GAS2: variants seen among roughly 807,000 people sequenced by gnomAD.
The protein encoded by GAS2 is growth arrest specific 2.
GAS2 carries 20 observed loss-of-function variants against 37.5 expected under a neutral mutation model. That is an observed-to-expected ratio of 0.53 (90% CI 0.37 to 0.77). The LOEUF is 0.77. Ranked by LOEUF, GAS2 falls within the 30% of genes least tolerant of loss-of-function variation. The pLI, the probability that GAS2 is intolerant of heterozygous loss-of-function variation, is 0.00. For synonymous variants in GAS2, 144 were observed against 132.2 expected, an observed-to-expected ratio of 1.09 and a Z score of -0.61; for missense variants, 336 against 373.4, an observed-to-expected ratio of 0.90 and a Z score of 0.82.
intron 7 of GAS2, among the ~76,000 whole-genome samples, chr11:22,787,302 G>C (rs558037727): frequency 1.3e-5 from 2 of 152,222 alleles, no homozygotes; most frequent in Admixed American, 1.3e-4. Flanking sequence ...AAGGGAGAAA[G>C]CAAATATTTT....
At chr11:22,786,556 G>A (rs1035880146) in intron 7 of GAS2, among the ~76,000 whole-genome samples, 4 of 152,136 alleles carry the variant, frequency 2.6e-5, no homozygotes, top group East Asian at 1.9e-4. Context: ...ATCTCAAGAC[G>A]TGTCTTGAAC....
At chr11:22,755,265 G>T (rs1350727144) in intron 6 of GAS2, among the ~76,000 whole-genome samples, 1 of 151,996 alleles carries the variant, frequency 6.6e-6, no homozygotes, top group East Asian at 1.9e-4. Context: ...TGATAGGTAG[G>T]AATTACTGAG....
chr11:22,729,062 T>G (rs942193154), intron 4 of GAS2, among the ~76,000 whole-genome samples: 2 of 151,514 alleles, frequency 1.3e-5, no homozygotes, highest in Admixed American at 1.3e-4. Flanking sequence ...AAGATTTCAT[T>G]TCAGTGGCAC....
chr11:22,772,629 A>T (rs1380500263), intron 7 of GAS2, among the ~76,000 whole-genome samples: 2 of 152,054 alleles, frequency 1.3e-5, no homozygotes, highest in East Asian at 3.9e-4. Flanking sequence ...AGTTTGTGTG[A>T]TAGTTTTTTG....
intron 7 of GAS2, among the ~76,000 whole-genome samples, chr11:22,794,178 C>A (rs1856319217): frequency 6.7e-6 from 1 of 150,158 alleles, no homozygotes; most frequent in Non-Finnish European, 1.5e-5. Context: ...TGTCTTCTTG[C>A]TTTTTTTTAA....
intron 1 of GAS2, among the ~76,000 whole-genome samples, chr11:22,648,400 G>A (rs1391832629): frequency 6.6e-6 from 1 of 152,162 alleles, no homozygotes; most frequent in East Asian, 1.9e-4. Flanking sequence ...TTGACTTGGT[G>A]ATGCGGGCTC....
upstream of GAS2, among the ~76,000 whole-genome samples, chr11:22,664,117 G>A (rs565072650): frequency 2.0e-5 from 3 of 152,156 alleles, no homozygotes; most frequent in African/African-American, 7.2e-5. Context: ...AGCTGTTTAG[G>A]AATATAAGTC....
intron 3 of GAS2, among the ~76,000 whole-genome samples, chr11:22,715,614 C>G (rs1184578001): frequency 1.3e-5 from 2 of 151,762 alleles, no homozygotes; most frequent in African/African-American, 4.8e-5. Flanking sequence ...CGGATAAATT[C>G]CTGGAAATAT....
chr11:22,676,529 C>T (rs1023115351), intron 2 of GAS2, among the ~76,000 whole-genome samples: 2 of 152,142 alleles, frequency 1.3e-5, no homozygotes, highest in East Asian at 1.9e-4. Flanking sequence ...ACTTACCTCT[C>T]TTGTCCCTCA....
intron 4 of GAS2, 35 bp downstream of exon 4, chr11:22,726,468 T>TA (rs1852223558): frequency 6.4e-7 from 1 of 1,574,524 alleles, no homozygotes; most frequent in African/African-American, 1.4e-5. Flanking sequence ...GTTGATAAGA[T>TA]ACGCAAATTA....
chr11:22,789,965 C>G (rs1439508146), intron 7 of GAS2, among the ~76,000 whole-genome samples: 1 of 152,064 alleles, frequency 6.6e-6, no homozygotes, highest in Non-Finnish European at 1.5e-5. Context: ...ACATGGCTCT[C>G]CGGGTCTGTT....
intron 3 of GAS2, among the ~76,000 whole-genome samples, chr11:22,690,162 C>A (rs139244775): frequency 1.7e-3 from 263 of 151,992 alleles, no homozygotes; most frequent in African/African-American, 5.7e-3. Flanking sequence ...GTAAGTTATG[C>A]CTGGTATGTG....
intron 4 of GAS2, among the ~76,000 whole-genome samples, chr11:22,727,290 G>T (rs1362261725): frequency 6.6e-6 from 1 of 151,910 alleles, no homozygotes; most frequent in South Asian, 2.1e-4. Flanking sequence ...CTTTCTTTTT[G>T]CCTGAAGCCT....
At chr11:22,690,329 A>G (rs1850180185) in intron 3 of GAS2, among the ~76,000 whole-genome samples, 1 of 152,184 alleles carries the variant, frequency 6.6e-6, no homozygotes, top group African/African-American at 2.4e-5. Flanking sequence ...TTGATAAAAT[A>G]CTCTGAATGG....
chr11:22,757,949 T>G (rs1435839998), intron 7 of GAS2, among the ~76,000 whole-genome samples: 1 of 152,166 alleles, frequency 6.6e-6, no homozygotes, highest in Non-Finnish European at 1.5e-5. Flanking sequence ...AGGTCACATG[T>G]GCCTTGAATT....
At chr11:22,675,043 C>G (rs1467926699) in intron 2 of GAS2, 29 bp downstream of exon 2, 1 of 1,605,890 alleles carries the variant, frequency 6.2e-7, no homozygotes, top group Non-Finnish European at 8.5e-7. Context: ...ATTTTGTGAG[C>G]AAAGACAACA....
At chr11:22,783,794 C>A (rs1855686323) in intron 7 of GAS2, among the ~76,000 whole-genome samples, 1 of 152,132 alleles carries the variant, frequency 6.6e-6, no homozygotes, top group South Asian at 2.1e-4. Flanking sequence ...ATATTTAAGT[C>A]TTTAATCCAC....
chr11:22,638,607 A>G (rs551959410), intron 1 of GAS2, among the ~76,000 whole-genome samples: 1 of 152,228 alleles, frequency 6.6e-6, no homozygotes, highest in East Asian at 1.9e-4. Flanking sequence ...CAGCCTCTCA[A>G]AGTGCTGGGA....
At chr11:22,769,644 C>G (rs1025978805) in intron 7 of GAS2, among the ~76,000 whole-genome samples, 1 of 152,210 alleles carries the variant, frequency 6.6e-6, no homozygotes, top group Admixed American at 6.5e-5. Context: ...CCAAAGATGA[C>G]TTGACTTTGT....
Sources: allele counts gnomAD v4.1 joint callset (sites outside exome capture counted in the v4.1 genomes callset), GRCh38; gene constraint gnomAD v4.1.1; transcripts MANE v1.5; gene names NCBI Gene and HGNC (gene_info 2026-07-23, HGNC 2026-07-21).